The following ERBB4 variants were observed in gnomAD, a reference collection of about 807,000 sequenced individuals.
ERBB4 encodes receptor tyrosine-protein kinase erbB-4.
ERBB4 carries 42 observed loss-of-function variants against 158.0 expected under a neutral mutation model. That is an observed-to-expected ratio of 0.27 (90% CI 0.21 to 0.34). The LOEUF (loss-of-function observed/expected upper bound fraction) is 0.34. Ranked by LOEUF, ERBB4 falls within the 10% of genes least tolerant of loss-of-function variation. The pLI is 1.00. For synonymous variants in ERBB4, 583 were observed against 558.7 expected (o/e 1.04, Z -0.61); for missense variants, 1,333 against 1,624.1 (o/e 0.82, Z 3.08).
chr2:211,613,839 C>A (rs1040300471), intron 19 of ERBB4, among the ~76,000 whole-genome samples: 10 of 152,000 alleles, frequency 6.6e-5, no homozygotes, highest in African/African-American at 2.2e-4. Context: ...ATTAGTATAA[C>A]CACTATGGAG....
intron 1 of ERBB4, among the ~76,000 whole-genome samples, chr2:212,481,179 TATATC>T (rs1689678288): frequency 6.6e-6 from 1 of 151,952 alleles, no homozygotes; most frequent in Admixed American, 6.6e-5. Flanking sequence ...TACAACAAAT[TATATC>T]ATATATGTTA....
intron 3 of ERBB4, among the ~76,000 whole-genome samples, chr2:211,855,203 G>T (rs925148832): frequency 1.3e-5 from 2 of 151,994 alleles, no homozygotes; most frequent in Non-Finnish European, 2.9e-5. Flanking sequence ...ACCTGTCTTT[G>T]CCTTAAGGAA....
intron 2 of ERBB4, among the ~76,000 whole-genome samples, chr2:212,073,023 T>C (rs921771210): frequency 2.0e-5 from 3 of 151,760 alleles, no homozygotes; most frequent in African/African-American, 7.3e-5. Flanking sequence ...GAGCTTACAA[T>C]TAAGTAGAAA....
intron 25 of ERBB4, among the ~76,000 whole-genome samples, chr2:211,410,522 G>A (rs562554112): frequency 6.6e-6 from 1 of 152,096 alleles, no homozygotes; most frequent in Non-Finnish European, 1.5e-5. Context: ...AAGGGATACA[G>A]GCAATTATTT....
intron 20 of ERBB4, among the ~76,000 whole-genome samples, chr2:211,476,974 A>C (rs1236991229): frequency 1.3e-5 from 2 of 152,124 alleles, no homozygotes; most frequent in African/African-American, 4.8e-5. Flanking sequence ...TTTGTGTGTC[A>C]ACTTGGCTGG....
chr2:211,648,778 A>G (rs1272384050), intron 16 of ERBB4, among the ~76,000 whole-genome samples: 1 of 151,784 alleles, frequency 6.6e-6, no homozygotes, highest in African/African-American at 2.4e-5. Context: ...TGATCTAGTG[A>G]CAACAAGGAA....
At chr2:212,057,746 C>T (rs1386455276) in intron 2 of ERBB4, among the ~76,000 whole-genome samples, 1 of 152,140 alleles carries the variant, frequency 6.6e-6, no homozygotes, top group Non-Finnish European at 1.5e-5. Flanking sequence ...AACAAAGACA[C>T]AACATACCAG....
chr2:212,074,605 G>A (rs1188574935), intron 2 of ERBB4, among the ~76,000 whole-genome samples: 1 of 151,906 alleles, frequency 6.6e-6, no homozygotes, highest in African/African-American at 2.4e-5. Context: ...AGTGAATGTT[G>A]CCAGCAACCT....
In ERBB4 at chr2:211,379,219, C is replaced by A; in HGVS notation, c.*4396G>T. On this transcript the variant is annotated 3_prime_UTR_variant, in exon 28 of 28. Transcript: ENST00000342788. ...TTTTGTTTGTTTGCTAGCTAAATGA[C>A]ACCACTCCTTTTTTTTTTTGTCTCT... 1 of 228,866 alleles carries A rather than the reference C, an allele frequency of 4.4e-6. No individual in the cohort carries two copies. The highest frequency in any genetic ancestry group is 5.7e-5 in the Admixed American group (1 of 17,592). The allele number at this position is 228,866 out of a possible 1,614,324, so 14.2% of individuals were successfully genotyped here.
intron 4 of ERBB4, among the ~76,000 whole-genome samples, chr2:211,758,043 A>G (rs1575104549): frequency 6.6e-6 from 1 of 152,246 alleles, no homozygotes; most frequent in East Asian, 1.9e-4. Flanking sequence ...AGTTAAAAGA[A>G]AAATTGATGA....
chr2:211,603,245 T>C (rs2068858693), intron 19 of ERBB4, among the ~76,000 whole-genome samples: 1 of 151,470 alleles, frequency 6.6e-6, no homozygotes, highest in Non-Finnish European at 1.5e-5. Flanking sequence ...AATAAATAAA[T>C]AAATAAAGGA....
At chr2:212,091,475 T>A (rs1259281523) in intron 2 of ERBB4, among the ~76,000 whole-genome samples, 1 of 152,112 alleles carries the variant, frequency 6.6e-6, no homozygotes, top group African/African-American at 2.4e-5. Flanking sequence ...TACCAGGAAT[T>A]GAGGTAGGGC....
intron 2 of ERBB4, among the ~76,000 whole-genome samples, chr2:211,976,772 C>T (rs1055208776): frequency 1.3e-5 from 2 of 151,924 alleles, no homozygotes; most frequent in Non-Finnish European, 2.9e-5. Context: ...CCAACAAGTC[C>T]GAGGCAACAT....
intron 3 of ERBB4, among the ~76,000 whole-genome samples, chr2:211,914,792 T>C (rs2079641859): frequency 6.6e-6 from 1 of 152,130 alleles, no homozygotes; most frequent in African/African-American, 2.4e-5. Flanking sequence ...TTCCTAACAT[T>C]TAAATGTTTC....
At chr2:212,163,814 G>A (rs989191143) in intron 1 of ERBB4, among the ~76,000 whole-genome samples, 3 of 151,838 alleles carry the variant, frequency 2.0e-5, no homozygotes, top group African/African-American at 7.3e-5. Context: ...TTTGTTTGAG[G>A]GAGGGTCTCA....
At chr2:211,478,896 T>G (rs757677209) in intron 20 of ERBB4, among the ~76,000 whole-genome samples, 2 of 152,112 alleles carry the variant, frequency 1.3e-5, no homozygotes, top group African/African-American at 4.8e-5. Flanking sequence ...ATATTGAAAC[T>G]CCTCAGGATG....
At chr2:211,591,357 C>G (rs934400410) in intron 19 of ERBB4, among the ~76,000 whole-genome samples, 1 of 152,080 alleles carries the variant, frequency 6.6e-6, no homozygotes, top group Non-Finnish European at 1.5e-5. Flanking sequence ...CCCTACTTAC[C>G]TCTCTGGTTT....
intron 1 of ERBB4, among the ~76,000 whole-genome samples, chr2:212,319,448 C>T (rs2087456961): frequency 6.7e-6 from 1 of 150,298 alleles, no homozygotes; most frequent in African/African-American, 2.4e-5. Flanking sequence ...TTGTTTTACA[C>T]AAGTACTTGG....
At chr2:212,248,539 T>A (rs769045692) in intron 1 of ERBB4, among the ~76,000 whole-genome samples, 1 of 151,794 alleles carries the variant, frequency 6.6e-6, no homozygotes, top group Non-Finnish European at 1.5e-5. Flanking sequence ...AACAAAGGCA[T>A]CTACCTATGC....
Sources: gnomAD v4.1 joint callset for allele counts (sites outside exome capture counted in the v4.1 genomes callset) on GRCh38, gnomAD v4.1.1 for gene constraint, MANE v1.5 for transcripts, NCBI Gene and HGNC (gene_info 2026-07-23, HGNC 2026-07-21) for gene names.